The following LTBP1 variants were observed in gnomAD, a reference collection of about 807,000 sequenced individuals.
LTBP1 encodes latent-transforming growth factor beta-binding protein 1.
A neutral mutation model predicts 207.6 loss-of-function variants in LTBP1; 129 were observed. That is an observed-to-expected ratio of 0.62 (90% CI 0.54 to 0.72). LTBP1 has a LOEUF of 0.72. LTBP1 is among the 30% of genes least tolerant of loss of function. The pLI, the probability that LTBP1 is intolerant of heterozygous loss-of-function variation, is 0.00. For synonymous variants in LTBP1, 963 were observed against 833.7 expected, an observed-to-expected ratio of 1.16 and a Z score of -2.67; for missense variants, 2,281 against 2,217.2, an observed-to-expected ratio of 1.03 and a Z score of -0.58.
chr2:32,961,841 G>T (rs1296191651), intron 2 of LTBP1, among the ~76,000 whole-genome samples: 1 of 151,878 alleles, frequency 6.6e-6, no homozygotes, highest in Non-Finnish European at 1.5e-5. Flanking sequence ...AGATACTTGG[G>T]AGGTTGAGGC....
chr2:33,221,695 C>G (rs2091117289), intron 8 of LTBP1, among the ~76,000 whole-genome samples: 1 of 152,140 alleles, frequency 6.6e-6, no homozygotes, highest in African/African-American at 2.4e-5. Context: ...AGACATCACC[C>G]AGAATGTTCC....
At chr2:32,982,412 A>AT (rs1682899074) in intron 2 of LTBP1, among the ~76,000 whole-genome samples, 2 of 152,184 alleles carry the variant, frequency 1.3e-5, no homozygotes, top group African/African-American at 2.4e-5. Flanking sequence ...AGAAAAACCA[A>AT]TTTTCTGGGG....
chr2:33,259,782 A>G (rs1433574288), intron 13 of LTBP1, among the ~76,000 whole-genome samples, 172 bp downstream of exon 13: 1 of 152,170 alleles, frequency 6.6e-6, no homozygotes, highest in Non-Finnish European at 1.5e-5. Flanking sequence ...AGCCATTGTC[A>G]TAGATTGGGA....
chr2:33,065,795 A>G (rs900528234), intron 3 of LTBP1, among the ~76,000 whole-genome samples: 5 of 152,176 alleles, frequency 3.3e-5, no homozygotes, highest in African/African-American at 1.2e-4. Flanking sequence ...TTTCTTAAAT[A>G]TTTGTTAGAA....
At chr2:32,971,264 C>T (rs1680839557) in intron 2 of LTBP1, among the ~76,000 whole-genome samples, 1 of 152,072 alleles carries the variant, frequency 6.6e-6, no homozygotes, top group South Asian at 2.1e-4. Flanking sequence ...TTCCCCTCTT[C>T]CAATGGAATG....
chr2:33,261,671 C>A (rs2093014031), intron 13 of LTBP1, among the ~76,000 whole-genome samples: 1 of 152,076 alleles, frequency 6.6e-6, no homozygotes, highest in African/African-American at 2.4e-5. Flanking sequence ...ATGACTGTGG[C>A]ACTGGTAGAA....
At chr2:32,990,954 C>T (rs1215995684) in intron 2 of LTBP1, among the ~76,000 whole-genome samples, 3 of 152,152 alleles carry the variant, frequency 2.0e-5, no homozygotes, top group Non-Finnish European at 2.9e-5. Flanking sequence ...TCATCTCTCA[C>T]AGATAAACAG....
chr2:33,210,204 C>A (rs2090203773), intron 7 of LTBP1, among the ~76,000 whole-genome samples: 2 of 152,196 alleles, frequency 1.3e-5, no homozygotes, highest in Admixed American at 6.5e-5. Flanking sequence ...TGTGGCTGGA[C>A]AGCATTTGTT....
At chr2:33,052,632 G>T (rs1558567828) in intron 3 of LTBP1, among the ~76,000 whole-genome samples, 1 of 152,352 alleles carries the variant, frequency 6.6e-6, no homozygotes, top group South Asian at 2.1e-4. Context: ...AGAAGAAAGT[G>T]TGATCCTAAG....
chr2:33,046,584 G>A (rs1221378341), intron 3 of LTBP1, among the ~76,000 whole-genome samples: 1 of 152,004 alleles, frequency 6.6e-6, no homozygotes, highest in Non-Finnish European at 1.5e-5. Context: ...TCTTTTTTGT[G>A]TGTCTCTGGC....
chr2:33,139,316 C>T (rs900465151), intron 5 of LTBP1, among the ~76,000 whole-genome samples: 4 of 152,174 alleles, frequency 2.6e-5, no homozygotes, highest in African/African-American at 7.2e-5. Context: ...ATACCTCTGG[C>T]TCTCCCATGT....
In LTBP1 at chr2:33,263,283, T is replaced by G. The variant is rs1368145142; in HGVS notation, c.2519-11T>G. Reference sequence around the variant, plus strand: ...TTTAATTTTCTTTTTATCCTCTGCTTCCTCATATAGTAGTGATTGAAAAAA... The same window carrying G: ...TTTAATTTTCTTTTTATCCTCTGCTGCCTCATATAGTAGTGATTGAAAAAA... On this transcript the variant is annotated splice_polypyrimidine_tract_variant and intron_variant, in intron 14 of 33. Transcript: ENST00000404816. The G allele has an allele frequency of 1.3e-6, 2 of 1,561,166 alleles. No individual in the cohort carries two copies. Among genetic ancestry groups the G allele is most frequent in the Non-Finnish European group, 1.8e-6 (2 of 1,132,828 alleles).
At chr2:33,194,506 G>C (rs1374847634) in intron 7 of LTBP1, among the ~76,000 whole-genome samples, 1 of 152,170 alleles carries the variant, frequency 6.6e-6, no homozygotes, top group African/African-American at 2.4e-5. Context: ...GTTTGAGAGA[G>C]GTCTAGAACC....
rs538725925 is a variant in LTBP1 at position 33,002,104 on chromosome 2, C to T, written c.566-18805C>T. Among the ~76,000 whole-genome samples, 6 of 133,898 alleles carry T rather than the reference C, an allele frequency of 4.5e-5. 2 individuals are homozygous for T. The highest frequency in any genetic ancestry group is 1.6e-4 in the African/African-American group (6 of 38,468). The allele number at this position is 133,898 out of a possible 152,430, so 87.8% of individuals were successfully genotyped here. ...TTGGGAAATCCTCCTGGACATGTCCCCTCATTTGTTGAAATGTTTTGACCA... is the reference window on the plus strand; with the variant it reads ...TTGGGAAATCCTCCTGGACATGTCCTCTCATTTGTTGAAATGTTTTGACCA... On this transcript the variant is annotated intron_variant, in intron 2 of 33. Coordinates refer to ENST00000404816, the MANE Select transcript of LTBP1 (RefSeq NM_206943.4).
chr2:32,975,711 T>G (rs575381299), intron 2 of LTBP1, among the ~76,000 whole-genome samples: 1 of 149,982 alleles, frequency 6.7e-6, no homozygotes, highest in East Asian at 2.0e-4. Context: ...CTTGTTATGA[T>G]ATCGTGAAAT....
intron 7 of LTBP1, among the ~76,000 whole-genome samples, chr2:33,194,965 T>G (rs886905497): frequency 1.3e-5 from 2 of 152,214 alleles, no homozygotes; most frequent in African/African-American, 4.8e-5. Context: ...CTGTGCTATA[T>G]AAAGAGAATA....
chr2:33,129,611 GT>G (rs1417179221), intron 4 of LTBP1, among the ~76,000 whole-genome samples: 1 of 152,018 alleles, frequency 6.6e-6, no homozygotes, highest in African/African-American at 2.4e-5. Context: ...TGCTTATTCA[GT>G]TATTCTCTTT....
At chr2:32,992,038 G>A (rs1684498418) in intron 2 of LTBP1, among the ~76,000 whole-genome samples, 1 of 152,094 alleles carries the variant, frequency 6.6e-6, no homozygotes, top group African/African-American at 2.4e-5. Context: ...TCTGACTTTT[G>A]TCAGAATTTG....
intron 2 of LTBP1, among the ~76,000 whole-genome samples, chr2:33,020,203 T>TTGGTTTTC (rs2075095239): frequency 6.6e-6 from 1 of 152,180 alleles, no homozygotes; most frequent in African/African-American, 2.4e-5. Flanking sequence ...CTTTCTGCCC[T>TTGGTTTTC]TGGTTTTCTC....
Sources: allele counts gnomAD v4.1 joint callset (sites outside exome capture counted in the v4.1 genomes callset), GRCh38; gene constraint gnomAD v4.1.1; transcripts MANE v1.5; gene names NCBI Gene and HGNC (gene_info 2026-07-23, HGNC 2026-07-21).